ZAN: variants seen among roughly 807,000 people sequenced by gnomAD.
ZAN encodes the protein zonadhesin, also known as zonadhesin (gene/pseudogene).
In ZAN, 260 loss-of-function variants were observed where a neutral mutation model predicts 286.2. The observed-to-expected ratio is 0.91, with a 90% confidence interval of 0.82 to 1.01. The LOEUF (loss-of-function observed/expected upper bound fraction) is 1.01, where lower values mean the gene tolerates loss of function less well. ZAN is among the 50% of genes least tolerant of loss of function. The pLI is 0.00. For synonymous variants in ZAN, 1,368 were observed against 1,417.5 expected, an observed-to-expected ratio of 0.97 and a Z score of 0.79; for missense variants, 3,410 against 3,639.2, an observed-to-expected ratio of 0.94 and a Z score of 1.62.
intron 7 of ZAN, 64 bp downstream of exon 7, chr7:100,738,677 C>A: frequency 7.0e-7 from 1 of 1,433,488 alleles, no homozygotes; most frequent in South Asian, 1.2e-5. Context: ...CGATAATTGC[C>A]CTGGGACGGT....
At position 100,768,747 on chromosome 7, in the gene ZAN, G is replaced by A. The variant is rs1272032485; in HGVS notation, c.5153+26G>A. ...GTGAGCTGGGGGTCAGGGGAGCCAG[G>A]CAGGAGGGGCTGGGCCTGGGAAGGG... On this transcript the variant is annotated intron_variant, in intron 27 of 47. Coordinates refer to ENST00000613979, the MANE Select transcript of ZAN (RefSeq NM_003386.3). 4 of 1,560,062 alleles carry A rather than the reference G, an allele frequency of 2.6e-6. No individual in the cohort carries two copies. The Admixed American group carries it at 5.8e-5, about 23-fold the overall frequency.
intron 7 of ZAN, among the ~76,000 whole-genome samples, chr7:100,744,510 A>C (rs754850626): frequency 1.3e-5 from 2 of 151,180 alleles, no homozygotes; most frequent in Non-Finnish European, 3.0e-5. Flanking sequence ...AGGCAGGAGA[A>C]TTGTTTGAAC....
intron 38 of ZAN, 112 bp from the exon 39 acceptor site, chr7:100,789,106 C>G: frequency 5.6e-6 from 8 of 1,426,790 alleles, no homozygotes; most frequent in Non-Finnish European, 7.5e-6. Context: ...TCTTATTCCA[C>G]TCTCTGCACG....
intron 31 of ZAN, among the ~76,000 whole-genome samples, chr7:100,774,806 T>C (rs1177173513): frequency 6.6e-6 from 1 of 150,812 alleles, no homozygotes; most frequent in African/African-American, 2.4e-5. Flanking sequence ...CCAGCCTGGG[T>C]GACAGAGAGA....
intron 2 of ZAN, 95 bp from the exon 3 acceptor site, chr7:100,735,625 T>C: frequency 1.0e-6 from 1 of 978,734 alleles, no homozygotes; most frequent in Admixed American, 2.4e-5. Context: ...CTGATCATCC[T>C]TACGTGACCA....
intron 20 of ZAN, 63 bp downstream of exon 20, chr7:100,762,421 T>C (rs199997720): frequency 0.025 from 9,389 of 373,782 alleles, 608 homozygotes; most frequent in East Asian, 0.15. Flanking sequence ...GGAACTCTCT[T>C]TTTTTTTTTT....
At chr7:100,742,264 CG>C (rs1254542127) in intron 7 of ZAN, among the ~76,000 whole-genome samples, 2 of 111,958 alleles carry the variant, frequency 1.8e-5, no homozygotes, top group Admixed American at 1.7e-4. Flanking sequence ...ACATCTCAGA[CG>C]ATGGGCGGCC....
chr7:100,792,325 T>C, intron 41 of ZAN, 80 bp from the exon 42 acceptor site: 2 of 1,523,492 alleles, frequency 1.3e-6, no homozygotes, highest in Non-Finnish European at 1.8e-6. Flanking sequence ...CTGTTTGGGG[T>C]TCCAGGCTCT....
intron 23 of ZAN, 34 bp from the exon 24 acceptor site, chr7:100,766,491 A>AT: frequency 6.5e-7 from 1 of 1,532,584 alleles, no homozygotes. Context: ...GCAAAAAAAA[A>AT]CACTTTCTCT....
In ZAN at chr7:100,767,133, G is replaced by A. The variant is rs1810036457; in HGVS notation, c.4736G>A (p.Ser1579Asn). The change falls in exon 25 of 48, where the codon AGC becomes AAC. Residue 1579 changes from serine (S) to asparagine (N), a missense_variant. Transcript: ENST00000613979. ...TRPCWSRSQD[S>N]YFVVSATNEN... ...CCTTGCTGGTCCAGGTCCCAAGACA[G>A]CTATTTTGTTGTGAGCGCCACCAAC... 1.2e-6 allele frequency: 2 copies of A among 1,613,804 alleles called. No homozygotes were observed. The highest frequency in any genetic ancestry group is 2.7e-5 in the African/African-American group (2 of 74,916).
At chr7:100,738,287 G>A (rs1484386641) in intron 6 of ZAN, among the ~76,000 whole-genome samples, 174 bp from the exon 7 acceptor site, 3 of 140,582 alleles carry the variant, frequency 2.1e-5, no homozygotes, top group African/African-American at 5.2e-5. Context: ...GCATGGTGGC[G>A]CACACCTGTA....
At chr7:100,783,120 T>A (rs1345125478) in intron 35 of ZAN, among the ~76,000 whole-genome samples, 1 of 151,568 alleles carries the variant, frequency 6.6e-6, no homozygotes, top group Non-Finnish European at 1.5e-5. Context: ...ATACAAAAAA[T>A]AGCTGGGCGT....
At position 100,771,798 on chromosome 7, in the gene ZAN, C is replaced by T. The variant is rs746660792; in HGVS notation, c.5249-46C>T. On this transcript the variant is annotated intron_variant, in intron 28 of 47. Coordinates refer to ENST00000613979, the MANE Select transcript of ZAN (RefSeq NM_003386.3). ...CCAGGGAAGCCACATGGCCCTGTTC[C>T]TTCCCGGCCCCTCCCCTGGCTCATC... The T allele has an allele frequency of 3.8e-6, 6 of 1,576,870 alleles. No homozygotes were observed. The Admixed American group carries it at 1.0e-4, about 27-fold the overall frequency.
chr7:100,734,681 G>T (rs920831151), intron 2 of ZAN, among the ~76,000 whole-genome samples: 2 of 140,050 alleles, frequency 1.4e-5, no homozygotes, highest in Admixed American at 1.4e-4. Context: ...GGATGGAAAT[G>T]GGTTGACCTT....
chr7:100,786,939 G>C (rs902617936), intron 37 of ZAN, among the ~76,000 whole-genome samples: 16 of 152,124 alleles, frequency 1.1e-4, no homozygotes, highest in Admixed American at 3.9e-4. Context: ...GCTTGTGCCT[G>C]TAGTCCCAGC....
In ZAN at chr7:100,738,594, C is replaced by T. The variant is rs779121452; in HGVS notation, c.747C>T (p.Gly249=). The T allele has an allele frequency of 7.9e-6, 12 of 1,517,692 alleles. No homozygotes were observed. Among genetic ancestry groups the T allele is most frequent in the South Asian group, 4.5e-5 (4 of 88,186 alleles). The allele number at this position is 1,517,692 out of a possible 1,614,324, so 94.0% of individuals were successfully genotyped here. The change falls in exon 7 of 48, where the codon GGC becomes GGT. Residue 249 remains glycine (G), a synonymous_variant. Coordinates refer to ENST00000613979, the MANE Select transcript of ZAN (RefSeq NM_003386.3). ...GAAAGCCAGGCGTGGGGCCTGATGG[C>T]GACTTCTCTAGCCCTGGTAGTGAGT... ...SSGKPGVGPD[G]DFSSPGSGCY...
chr7:100,766,593 C>T lies in ZAN; in HGVS notation c.4539C>T (p.Arg1513=), dbSNP rs1314398650. The part of the protein sequence containing the change: ...LCVCESNNRI[R]CQPWRCRAQE... ...TCTGTGAAAGCAACAACAGAATTCG[C>T]TGCCAGCCCTGGAGGTGTAGGGCCC... The change falls in exon 24 of 48, where the codon CGC becomes CGT. Residue 1513 remains arginine, a synonymous_variant. Coordinates refer to ENST00000613979, the MANE Select transcript of ZAN (RefSeq NM_003386.3). 1 of 1,553,874 alleles carries T rather than the reference C, an allele frequency of 6.4e-7. No individual in the cohort carries two copies. Among genetic ancestry groups the T allele is most frequent in the Non-Finnish European group, 8.7e-7 (1 of 1,148,288 alleles).
intron 34 of ZAN, 30 bp from the exon 35 acceptor site, chr7:100,779,416 G>A: frequency 2.5e-6 from 4 of 1,580,162 alleles, no homozygotes; most frequent in Non-Finnish European, 3.4e-6. Context: ...GGGGACGGCT[G>A]TCCCTAGGCT....
chr7:100,758,473 C>T (rs1809313071), intron 16 of ZAN, 58 bp from the exon 17 acceptor site: 1 of 1,551,634 alleles, frequency 6.4e-7, no homozygotes, highest in East Asian at 2.4e-5. Flanking sequence ...CCAGCATGTG[C>T]GGTCCAGCCT....
Sources: gnomAD v4.1 joint callset for allele counts (sites outside exome capture counted in the v4.1 genomes callset) on GRCh38, gnomAD v4.1.1 for gene constraint, MANE v1.5 for transcripts, NCBI Gene and HGNC (gene_info 2026-07-23, HGNC 2026-07-21) for gene names.